RAPGEF6: variants seen among roughly 807,000 people sequenced by gnomAD.
RAPGEF6 encodes the protein Rap guanine nucleotide exchange factor 6.
In RAPGEF6, 56 loss-of-function variants were observed where a neutral mutation model predicts 171.4. The observed-to-expected ratio is 0.33, with a 90% CI of 0.26 to 0.41. The LOEUF is 0.41. Ranked by LOEUF, RAPGEF6 falls within the 10% of genes least tolerant of loss-of-function variation. RAPGEF6 has a pLI of 1.00. For missense variants in RAPGEF6, 1,674 were observed against 1,921.4 expected, an observed-to-expected ratio of 0.87 and a Z score of 2.41; for synonymous variants, 692 against 650.1, an observed-to-expected ratio of 1.06 and a Z score of -0.98.
intron 1 of RAPGEF6, among the ~76,000 whole-genome samples, chr5:131,607,634 AC>A (rs1167265467): frequency 4.6e-5 from 7 of 152,206 alleles, no homozygotes; most frequent in African/African-American, 1.7e-4. Flanking sequence ...TACATATATT[AC>A]ATCATGCTGA....
chr5:131,463,949 A>C, intron 18 of RAPGEF6, 92 bp downstream of exon 18: 1 of 1,489,848 alleles, frequency 6.7e-7, no homozygotes. Context: ...GCACTAAAAC[A>C]TGATAATGTT....
intron 4 of RAPGEF6, among the ~76,000 whole-genome samples, chr5:131,574,351 C>A (rs150112966): frequency 2.0e-5 from 3 of 152,268 alleles, no homozygotes; most frequent in East Asian, 1.9e-4. Flanking sequence ...ACTGCCCGAT[C>A]GCCTTGGAAG....
chr5:131,552,945 A>G (rs1761012282), intron 5 of RAPGEF6, among the ~76,000 whole-genome samples: 1 of 152,182 alleles, frequency 6.6e-6, no homozygotes, highest in African/African-American at 2.4e-5. Flanking sequence ...AATATACTGA[A>G]AGTATTAGAG....
chr5:131,455,461 T>C (rs991794261), intron 20 of RAPGEF6, among the ~76,000 whole-genome samples: 2 of 152,154 alleles, frequency 1.3e-5, no homozygotes, highest in Non-Finnish European at 2.9e-5. Flanking sequence ...GGTTTCACCA[T>C]GTTAGCCAGG....
chr5:131,565,924 T>C (rs923709407), intron 4 of RAPGEF6, among the ~76,000 whole-genome samples: 1 of 152,068 alleles, frequency 6.6e-6, no homozygotes, highest in South Asian at 2.1e-4. Context: ...GGCTAGCAAA[T>C]AGCTTGAGCT....
At chr5:131,521,902 C>G (rs1458803420) in intron 6 of RAPGEF6, among the ~76,000 whole-genome samples, 2 of 150,372 alleles carry the variant, frequency 1.3e-5, no homozygotes, top group African/African-American at 4.9e-5. Context: ...CTCTCTCTCT[C>G]TCTCACACAC....
intron 1 of RAPGEF6, among the ~76,000 whole-genome samples, chr5:131,614,515 AAAC>A (rs1765152487): frequency 6.6e-6 from 1 of 152,154 alleles, no homozygotes; most frequent in Non-Finnish European, 1.5e-5. Context: ...ACATGCTTTT[AAAC>A]AACTCAAGAT....
intron 5 of RAPGEF6, among the ~76,000 whole-genome samples, chr5:131,553,007 A>T (rs1581014078): frequency 6.6e-6 from 1 of 152,346 alleles, no homozygotes; most frequent in South Asian, 2.1e-4. Flanking sequence ...TTTGAAAATG[A>T]GCCAGAGATG....
At chr5:131,568,157 T>C (rs937584905) in intron 4 of RAPGEF6, among the ~76,000 whole-genome samples, 4 of 152,200 alleles carry the variant, frequency 2.6e-5, no homozygotes, top group African/African-American at 7.2e-5. Flanking sequence ...ATATTTAGAC[T>C]ATGCACATGT....
Position 131,479,693 on chromosome 5 carries a change from T to C in RAPGEF6, c.1901A>G (p.Lys634Arg). The C allele has an allele frequency of 6.2e-7, 1 of 1,614,012 alleles. No individual in the cohort carries two copies. The highest frequency in any genetic ancestry group is 8.5e-7 in the Non-Finnish European group (1 of 1,179,966). ...GCGATTACTTTTTTTTTCAGCAATT[T>C]TGGGAATATGAGGAACACCAGATTT... ...QEKSGVPHIP[K>R]IAEKKSNRHS... The change falls in exon 16 of 28, where the codon AAA becomes AGA. Residue 634 changes from lysine (K) to arginine (R), a missense_variant. This residue lies in a region of RAPGEF6 where 1,116 missense variants were observed against 1,321.5 expected (regional missense o/e 0.84). Transcript: ENST00000509018.
chr5:131,604,690 A>G lies in RAPGEF6; in HGVS notation c.73T>C (p.Leu25=). 1 of 1,606,968 alleles carries G rather than the reference A, an allele frequency of 6.2e-7. No homozygotes were observed. Among genetic ancestry groups the G allele is most frequent in the Non-Finnish European group, 8.5e-7 (1 of 1,177,340 alleles). ...TGAAGATAAGAATAAATAGTATTTA[A>G]GTCCTGTGGAACAGAAGAAAAAAAT... The part of the protein sequence containing the change: ...KKPPERTPED[L]NTIYSYLHGM... Residue 25 remains leucine (L), a synonymous_variant, in exon 2 of 28, where the codon TTA becomes CTA. Transcript: ENST00000509018.
In RAPGEF6 at chr5:131,469,364, T is replaced by C. The variant is rs1024418388; in HGVS notation, c.2239+3223A>G. 7.9e-5 allele frequency among the ~76,000 whole-genome samples: 12 copies of C among 152,190 alleles called. 1 individual carries two copies. The highest frequency in any genetic ancestry group is 7.8e-4 in the Admixed American group (12 of 15,302). ...GTGTTCCTTTATAATTAAAAACTAATAATAAAAAATTTTCAATGAAGAAAA... is the reference window on the plus strand; with the variant it reads ...GTGTTCCTTTATAATTAAAAACTAACAATAAAAAATTTTCAATGAAGAAAA... On this transcript the variant is annotated intron_variant, in intron 17 of 27. Transcript: ENST00000509018.
chr5:131,570,679 A>C (rs918901085), intron 4 of RAPGEF6, among the ~76,000 whole-genome samples: 19 of 152,222 alleles, frequency 1.2e-4, no homozygotes, highest in African/African-American at 4.6e-4. Context: ...AAATGAAAAA[A>C]ACTAGATTAA....
chr5:131,446,387 A>G, intron 22 of RAPGEF6, 96 bp downstream of exon 22: 1 of 1,186,812 alleles, frequency 8.4e-7, no homozygotes, highest in Non-Finnish European at 1.2e-6. Flanking sequence ...TTGTGAGTGA[A>G]AGTTAATTTT....
chr5:131,567,966 T>C (rs746247990), intron 4 of RAPGEF6, among the ~76,000 whole-genome samples: 12 of 152,196 alleles, frequency 7.9e-5, no homozygotes, highest in Non-Finnish European at 1.3e-4. Flanking sequence ...TCTAGTAATA[T>C]TTCTTGTCTT....
At chr5:131,445,707 C>CA (rs1561469996) in intron 22 of RAPGEF6, among the ~76,000 whole-genome samples, 1 of 152,062 alleles carries the variant, frequency 6.6e-6, no homozygotes, top group East Asian at 1.9e-4. Flanking sequence ...CTCAGCCTCC[C>CA]AAGTTGCTAG....
intron 5 of RAPGEF6, among the ~76,000 whole-genome samples, chr5:131,561,184 T>G (rs1283326820): frequency 2.0e-5 from 3 of 152,172 alleles, no homozygotes; most frequent in African/African-American, 7.2e-5. Context: ...AATTATTCCT[T>G]AAATACACTC....
At chr5:131,536,359 G>A (rs550419846) in intron 6 of RAPGEF6, among the ~76,000 whole-genome samples, 1 of 152,256 alleles carries the variant, frequency 6.6e-6, no homozygotes, top group South Asian at 2.1e-4. Flanking sequence ...ATCAGACACA[G>A]TTAACTCTAA....
intron 15 of RAPGEF6, among the ~76,000 whole-genome samples, chr5:131,482,795 T>C (rs1029951326): frequency 6.6e-6 from 1 of 152,188 alleles, no homozygotes; most frequent in African/African-American, 2.4e-5. Context: ...GCAAGTCATC[T>C]TGTAAAAAGA....
Sources: allele counts gnomAD v4.1 joint callset (sites outside exome capture counted in the v4.1 genomes callset), GRCh38; gene constraint gnomAD v4.1.1; regional missense constraint gnomAD v4.1.1; transcripts MANE v1.5; gene names NCBI Gene and HGNC (gene_info 2026-07-23, HGNC 2026-07-21).